The following AFF2 variants were observed in gnomAD, a reference collection of about 807,000 sequenced individuals.
AFF2 encodes the protein AF4/FMR2 family member 2.
In AFF2, 14 loss-of-function variants were observed where a neutral mutation model predicts 76.9. That is an observed-to-expected ratio of 0.18 (90% CI 0.12 to 0.28). The LOEUF is 0.28. AFF2 is among the 10% of genes least tolerant of loss of function. AFF2 has a pLI of 1.00. For synonymous variants in AFF2, 398 were observed against 366.7 expected (o/e 1.09, Z -0.98); for missense variants, 868 against 1,001.1 (o/e 0.87, Z 1.79).
At chrX:148,627,489 C>T (rs2053938416) in intron 1 of AFF2, among the ~76,000 whole-genome samples, 1 of 111,354 alleles carries the variant, frequency 9.0e-6, no homozygotes, top group Non-Finnish European at 1.9e-5. Flanking sequence ...GGGCATGGGC[C>T]ATATTGTAAC....
intron 1 of AFF2, among the ~76,000 whole-genome samples, chrX:148,507,095 G>A (rs1356284149): frequency 8.9e-6 from 1 of 112,081 alleles, no homozygotes. Context: ...AGTCACATTC[G>A]ACTCAAAGAC....
chrX:148,574,943 G>GGT (rs781819721), intron 1 of AFF2, among the ~76,000 whole-genome samples: 2,634 of 95,601 alleles, frequency 0.028, 50 homozygotes, highest in African/African-American at 0.064. Flanking sequence ...ATAGTGCTGG[G>GGT]GTGTGTGTGT....
At chrX:148,640,445 C>G (rs985595) in intron 1 of AFF2, among the ~76,000 whole-genome samples, 20,186 of 109,168 alleles carry the variant, frequency 0.18, 1,416 homozygotes, top group Non-Finnish European at 0.2. Flanking sequence ...TTTTCAGTGG[C>G]ACCATTTCTA....
intron 1 of AFF2, among the ~76,000 whole-genome samples, chrX:148,614,818 C>G (rs1281674747): frequency 1.0e-5 from 1 of 99,325 alleles, no homozygotes; most frequent in African/African-American, 3.7e-5. Context: ...CTCTCTCGCT[C>G]TCTTCCTCAT....
chrX:148,576,069 C>T (rs1415367694), intron 1 of AFF2, among the ~76,000 whole-genome samples: 11 of 110,956 alleles, frequency 9.9e-5, no homozygotes, highest in Non-Finnish European at 2.1e-4. Context: ...TGAACACAGA[C>T]AGACCTCCCT....
chrX:148,545,951 A>T (rs782323496), intron 1 of AFF2, among the ~76,000 whole-genome samples: 31 of 111,517 alleles, frequency 2.8e-4, no homozygotes, highest in Non-Finnish European at 5.1e-4. Flanking sequence ...CCTTGACATG[A>T]TGCTATGGAA....
chrX:148,857,407 G>A (rs1307765765), intron 7 of AFF2, among the ~76,000 whole-genome samples: 1 of 111,992 alleles, frequency 8.9e-6, no homozygotes, highest in African/African-American at 3.2e-5. Flanking sequence ...GGTATATTAA[G>A]TGAGGGTCTA....
At position 148,866,785 on chromosome X, in the gene AFF2, T is replaced by C. The variant is rs180959857; in HGVS notation, c.1263-19104T>C. ...GTTATTTTGCATTTATTCAATTTAGTGCTAATAAGGAATTCAAAGAATGGA... is the reference window on the plus strand; with the variant it reads ...GTTATTTTGCATTTATTCAATTTAGCGCTAATAAGGAATTCAAAGAATGGA... On this transcript the variant is annotated intron_variant, in intron 7 of 20. Coordinates refer to ENST00000370460, the MANE Select transcript of AFF2 (RefSeq NM_002025.4). 3.6e-5 allele frequency among the ~76,000 whole-genome samples: 4 copies of C among 112,619 alleles called. No individual in the cohort carries two copies. The East Asian group carries it at 1.1e-3, about 32-fold the overall frequency.
chrX:148,944,550 A>G (rs1409013793), intron 9 of AFF2, among the ~76,000 whole-genome samples: 1 of 33,908 alleles, frequency 2.9e-5, no homozygotes, highest in Non-Finnish European at 1.8e-4. Flanking sequence ...ACTTGGCTTT[A>G]TATGATTTTT....
chrX:148,844,933 G>A (rs1033442505), intron 7 of AFF2, among the ~76,000 whole-genome samples: 3 of 111,603 alleles, frequency 2.7e-5, no homozygotes, highest in South Asian at 3.8e-4. Context: ...TTTAAGGACC[G>A]AATTATATGA....
chrX:148,746,034 C>T (rs1022367523), intron 3 of AFF2, among the ~76,000 whole-genome samples: 4 of 111,419 alleles, frequency 3.6e-5, no homozygotes, highest in African/African-American at 9.8e-5. Flanking sequence ...TGAGCCACCG[C>T]GCCCAGCCCG....
chrX:148,640,663 T>G (rs782651644), intron 1 of AFF2, among the ~76,000 whole-genome samples: 1 of 112,600 alleles, frequency 8.9e-6, no homozygotes, highest in Non-Finnish European at 1.9e-5. Flanking sequence ...AAAAATCTCA[T>G]CTATTCTTTA....
intron 4 of AFF2, among the ~76,000 whole-genome samples, chrX:148,826,873 G>A (rs2070394547): frequency 9.0e-6 from 1 of 111,344 alleles, no homozygotes; most frequent in South Asian, 3.8e-4. Flanking sequence ...TGACTTAGTA[G>A]TGGTTTTGAT....
rs781852200 is a variant in AFF2, at chrX:148,912,588, C to A, written c.1397+8330C>A. On this transcript the variant is annotated intron_variant, in intron 9 of 20. Coordinates refer to ENST00000370460, the MANE Select transcript of AFF2 (RefSeq NM_002025.4). Reference sequence around the variant, plus strand: ...ACATGCAGTTTACCTATATAACAAACCTACACATGTACCCCTGAACCTAAA... The same window carrying A: ...ACATGCAGTTTACCTATATAACAAAACTACACATGTACCCCTGAACCTAAA... Among the ~76,000 whole-genome samples, 133 of 111,832 alleles carry A rather than the reference C, an allele frequency of 1.2e-3. 1 individual carries two copies. The highest frequency in any genetic ancestry group is 4.1e-4 in the Non-Finnish European group (22 of 53,096).
intron 9 of AFF2, among the ~76,000 whole-genome samples, chrX:148,944,837 T>C (rs1557285958): frequency 9.0e-6 from 1 of 110,931 alleles, no homozygotes; most frequent in African/African-American, 3.3e-5. Flanking sequence ...GTGCCTTTTT[T>C]TCATTCCTTT....
chrX:148,598,395 A>T (rs189354903), intron 1 of AFF2, among the ~76,000 whole-genome samples: 9 of 111,064 alleles, frequency 8.1e-5, no homozygotes, highest in African/African-American at 2.9e-4. Context: ...ATAAATGAAT[A>T]AAAAAAATAA....
intron 9 of AFF2, among the ~76,000 whole-genome samples, chrX:148,913,278 T>C (rs950708952): frequency 8.9e-6 from 1 of 112,572 alleles, no homozygotes; most frequent in African/African-American, 3.2e-5. Context: ...ACATGTCCAC[T>C]TTCCATGCCT....
At chrX:148,946,837 A>G (rs945452435) in intron 9 of AFF2, among the ~76,000 whole-genome samples, 19 of 111,882 alleles carry the variant, frequency 1.7e-4, no homozygotes, top group Non-Finnish European at 3.4e-4. Context: ...TTTTACTTGT[A>G]AGGATCCCCG....
At chrX:148,957,963 T>C (rs1428048158) in intron 11 of AFF2, among the ~76,000 whole-genome samples, 1 of 112,728 alleles carries the variant, frequency 8.9e-6, no homozygotes, top group African/African-American at 3.2e-5. Context: ...ACAGGATTTA[T>C]GTCACATTCA....
Sources: allele counts gnomAD v4.1 joint callset (sites outside exome capture counted in the v4.1 genomes callset), GRCh38; gene constraint gnomAD v4.1.1; transcripts MANE v1.5; gene names NCBI Gene and HGNC (gene_info 2026-07-23, HGNC 2026-07-21).